Variants in EPG5 observed in about 807,000 individuals in gnomAD.
EPG5 encodes ectopic P granules protein 5 homolog.
A neutral mutation model predicts 302.7 loss-of-function variants in EPG5; 159 were observed. The observed-to-expected ratio is 0.53, with a 90% CI of 0.46 to 0.60. The LOEUF (loss-of-function observed/expected upper bound fraction) is 0.60. EPG5 is among the 20% of genes least tolerant of loss of function. The probability of loss-of-function intolerance (pLI) is 0.00; values close to 1 mark genes in which losing one functional copy is unlikely to be tolerated. For synonymous variants in EPG5, 1,158 were observed against 1,136.8 expected (o/e 1.02, Z -0.37); for missense variants, 2,896 against 3,092.4 (o/e 0.94, Z 1.51).
Position 45,860,106 on chromosome 18 carries a change from T to G in EPG5, c.7007A>C (p.Glu2336Ala). 1 of 1,614,190 alleles carries G rather than the reference T, an allele frequency of 6.2e-7. No individual in the cohort carries two copies. The highest frequency in any genetic ancestry group is 8.5e-7 in the Non-Finnish European group (1 of 1,180,036). ...AGCGTAAGATGACCTCCTCTTACTT[T>G]CTTTGAAGTAGGCAGTGATGCAGGC... Reference protein sequence around the residue: ...TEACITAYFKESPLNQNSGWG... With the variant: ...TEACITAYFKASPLNQNSGWG... Residue 2336 changes from glutamate (E) to alanine (A), a missense_variant and splice_region_variant, in exon 40 of 44, where the codon GAA becomes GCA. Glu to Ala is a moderately radical substitution (Grantham distance 107, BLOSUM62 -1). Around this residue, in one of 5 missense-constraint regions of EPG5, gnomAD observed 620 missense variants for 704.2 expected, o/e 0.88. Transcript: ENST00000282041.
the EPG5 span, chr18:45,837,504 C>A: frequency 1.4e-6 from 2 of 1,480,614 alleles, no homozygotes; most frequent in East Asian, 5.4e-5. Flanking sequence ...CAGCCCGCCC[C>A]GCCCTCAGGC....
At position 45,857,996 on chromosome 18, in the gene EPG5, C is replaced by T. The variant is rs1380450699; in HGVS notation, c.7299G>A (p.Glu2433=). The part of the protein sequence containing the change: ...QVLQLSLIQT[E]QNDSVLTESV... ...ATTCTGTCAGGACGGAGTCATTCTG[C>T]TCTGTCTGAATGAGGGAGAGCTGAA... Residue 2433 remains glutamate (E), a synonymous_variant, in exon 42 of 44, where the codon GAG becomes GAA. Coordinates refer to ENST00000282041, the MANE Select transcript of EPG5 (RefSeq NM_020964.3). 1.2e-6 allele frequency: 2 copies of T among 1,613,752 alleles called. No individual in the cohort carries two copies. The highest frequency in any genetic ancestry group is 4.5e-5 in the East Asian group (2 of 44,902).
At chr18:45,857,697 G>A in intron 42 of EPG5, 156 bp downstream of exon 42, 1 of 606,036 alleles carries the variant, frequency 1.7e-6, no homozygotes, top group Non-Finnish European at 2.9e-6. Flanking sequence ...GATGTAATCA[G>A]GCTCTGTTTT....
Position 45,907,704 on chromosome 18 carries a change from T to C in EPG5, c.4329+254A>G, listed in dbSNP as rs7243454. 0.032 allele frequency among the ~76,000 whole-genome samples: 4,905 copies of C among 152,204 alleles called. 234 individuals are homozygous for C. The highest frequency in any genetic ancestry group is 0.11 in the African/African-American group (4,439 of 41,486). On this transcript the variant is annotated intron_variant, in intron 24 of 43. Coordinates refer to ENST00000282041, the MANE Select transcript of EPG5 (RefSeq NM_020964.3). ...AAAATATACAGTCAGAGGAAGGTTATGTTTATGAGGTCGTAAAAAGCCCTA... is the reference window on the plus strand; with the variant it reads ...AAAATATACAGTCAGAGGAAGGTTACGTTTATGAGGTCGTAAAAAGCCCTA...
chr18:45,925,225 C>T (rs2050241918), intron 14 of EPG5, among the ~76,000 whole-genome samples: 1 of 152,288 alleles, frequency 6.6e-6, no homozygotes, highest in East Asian at 1.9e-4. Context: ...AATTCCAGCA[C>T]TTTGGGAAGC....
chr18:45,926,181 T>C (rs1320721345), intron 13 of EPG5, among the ~76,000 whole-genome samples: 7 of 152,194 alleles, frequency 4.6e-5, no homozygotes, highest in Admixed American at 4.6e-4. Context: ...ACCACCACAC[T>C]AATGCACATT....
chr18:45,854,683 G>A (rs536523576), intron 43 of EPG5, among the ~76,000 whole-genome samples: 1 of 152,176 alleles, frequency 6.6e-6, no homozygotes, highest in Non-Finnish European at 1.5e-5. Context: ...AACAAAGCGA[G>A]ACCCAGTCTC....
At chr18:45,809,035 G>C in the EPG5 span, among the ~76,000 whole-genome samples, 1 of 152,080 alleles carries the variant, frequency 6.6e-6, no homozygotes, top group Non-Finnish European at 1.5e-5. Context: ...AAGGTAAAGG[G>C]GTGGAAAAAG....
the EPG5 span, among the ~76,000 whole-genome samples, chr18:45,825,133 A>AGGAG: frequency 9.1e-6 from 1 of 109,904 alleles, no homozygotes; most frequent in Non-Finnish European, 1.8e-5. Flanking sequence ...GAGGTAGGAA[A>AGGAG]GGAGGGAGGG....
At chr18:45,827,247 C>T in the EPG5 span, among the ~76,000 whole-genome samples, 1 of 152,180 alleles carries the variant, frequency 6.6e-6, no homozygotes, top group African/African-American at 2.4e-5. Flanking sequence ...GAAACATTCT[C>T]TTTTCACAGA....
In EPG5 at chr18:45,870,697, A is replaced by G; in HGVS notation, c.6095T>C (p.Met2032Thr). Residue 2032 changes from methionine to threonine, a missense_variant, in exon 36 of 44, where the codon ATG becomes ACG. Coordinates refer to ENST00000282041, the MANE Select transcript of EPG5 (RefSeq NM_020964.3). ...TGCTGTACATGCTTCACAATAATGC[A>G]TCAGGTGCAACCAAAGGGCTCCTGC... Reference protein sequence around the residue: ...GDAGALWLHLMHYCEACTAPK... With the variant: ...GDAGALWLHLTHYCEACTAPK... 1 of 1,612,972 alleles carries G rather than the reference A, an allele frequency of 6.2e-7. No individual in the cohort carries two copies. The highest frequency in any genetic ancestry group is 8.5e-7 in the Non-Finnish European group (1 of 1,179,216).
rs1043794083 is a variant in EPG5 at position 45,867,477 on chromosome 18, A to G, written c.6411+86T>C. ...CTGTTCACACTGATAGGGGCACTGG[A>G]AAAACAAATGAAAAACTACGACCTA... On this transcript the variant is annotated intron_variant, in intron 37 of 43. Transcript: ENST00000282041. 146 of 1,138,152 alleles carry G rather than the reference A, an allele frequency of 1.3e-4. No homozygotes were observed. The African/African-American group carries it at 2.1e-3, about 16-fold the overall frequency. The allele number at this position is 1,138,152 out of a possible 1,614,324, so 70.5% of individuals were successfully genotyped here.
rs777737049 is a variant in EPG5, at chr18:45,954,952, T to C, written c.450A>G (p.Gly150=). The change falls in exon 2 of 44, where the codon GGA becomes GGG. Residue 150 remains glycine (G), a synonymous_variant. Transcript: ENST00000282041. ...EVEENMSVQG[G]LSESAPQSNF... ...TAGATTGGGGTGCACTTTCTGAAAG[T>C]CCACCTTGTACCGACATATTTTCCT... is the stretch of plus-strand genomic sequence containing the variant. 5.6e-6 allele frequency: 9 copies of C among 1,613,640 alleles called. No individual in the cohort carries two copies. In the East Asian group the frequency reaches 1.6e-4, roughly 28 times the overall value.
In EPG5 at chr18:45,865,631, A is replaced by C. The variant is rs1297631454; in HGVS notation, c.6750T>G (p.Ile2250Met). 6.2e-7 allele frequency: 1 copy of C among 1,613,956 alleles called. No individual in the cohort carries two copies. The highest frequency in any genetic ancestry group is 8.5e-7 in the Non-Finnish European group (1 of 1,179,982). Residue 2250 changes from isoleucine (I) to methionine (M), a missense_variant, in exon 39 of 44, where the codon ATT becomes ATG. Coordinates refer to ENST00000282041, the MANE Select transcript of EPG5 (RefSeq NM_020964.3). Reference protein sequence around the residue: ...QEMSKLLDDIIVFNPPDMDSQ... With the variant: ...QEMSKLLDDIMVFNPPDMDSQ... ...GTCACTTACCGGGCGGGTTAAAGAC[A>C]ATGATATCGTCTAAGAGCTTAGACA...
chr18:45,831,863 G>C, the EPG5 span, among the ~76,000 whole-genome samples: 1 of 151,922 alleles, frequency 6.6e-6, no homozygotes, highest in African/African-American at 2.4e-5. Context: ...TCAGCCTCCT[G>C]AGTGGCTGGG....
intron 42 of EPG5, among the ~76,000 whole-genome samples, chr18:45,857,270 C>T (rs1408917862): frequency 1.3e-5 from 2 of 152,032 alleles, no homozygotes; most frequent in South Asian, 2.1e-4. Context: ...TCACCATGCC[C>T]GGCTAATTTC....
At chr18:45,859,756 C>A (rs2048592192) in intron 40 of EPG5, among the ~76,000 whole-genome samples, 1 of 152,148 alleles carries the variant, frequency 6.6e-6, no homozygotes, top group Non-Finnish European at 1.5e-5. Flanking sequence ...TTATATAGAT[C>A]CTGGTATATA....
chr18:45,903,483 T>C (rs2049672595), intron 25 of EPG5, among the ~76,000 whole-genome samples: 1 of 152,236 alleles, frequency 6.6e-6, no homozygotes. Flanking sequence ...TCTTACACTA[T>C]ATATTGTAAT....
At chr18:45,908,168 C>A (rs2049804538) in intron 23 of EPG5, 87 bp from the exon 24 acceptor site, 2 of 1,075,422 alleles carry the variant, frequency 1.9e-6, no homozygotes, top group Non-Finnish European at 2.6e-6. Flanking sequence ...ACTGGCACCC[C>A]TACATAAGAG....
Sources: gnomAD v4.1 joint callset for allele counts (sites outside exome capture counted in the v4.1 genomes callset) on GRCh38, gnomAD v4.1.1 for gene constraint, gnomAD v4.1.1 regional missense constraint, MANE v1.5 for transcripts, NCBI Gene and HGNC (gene_info 2026-07-23, HGNC 2026-07-21) for gene names.